The following PELI2 variants were observed in gnomAD, a reference collection of about 807,000 sequenced individuals.
PELI2 encodes the protein E3 ubiquitin-protein ligase pellino homolog 2.
Under a neutral mutation model 42.3 loss-of-function variants are expected in PELI2, and 23 were observed. The observed-to-expected ratio is 0.54, with a 90% CI of 0.39 to 0.77. The LOEUF is 0.77. PELI2 is among the 30% of genes least tolerant of loss of function. The pLI is 0.00. For synonymous variants in PELI2, 245 were observed against 212.2 expected (o/e 1.15, Z -1.34); for missense variants, 463 against 553.2 (o/e 0.84, Z 1.64).
chr14:56,276,951 A>G (rs1398117469), intron 2 of PELI2, among the ~76,000 whole-genome samples: 1 of 152,162 alleles, frequency 6.6e-6, no homozygotes, highest in Non-Finnish European at 1.5e-5. Context: ...TGCTGTGGGC[A>G]GTTTCCAGGT....
chr14:56,167,604 T>C (rs1885009588), intron 1 of PELI2, among the ~76,000 whole-genome samples: 1 of 152,262 alleles, frequency 6.6e-6, no homozygotes, highest in Admixed American at 6.5e-5. Context: ...TCGAGTTTCC[T>C]CATAAACAGC....
At chr14:56,214,330 G>A (rs1395583086) in intron 2 of PELI2, among the ~76,000 whole-genome samples, 2 of 152,198 alleles carry the variant, frequency 1.3e-5, no homozygotes, top group African/African-American at 4.8e-5. Flanking sequence ...GATGATTTGG[G>A]ATAGGAAATG....
intron 2 of PELI2, among the ~76,000 whole-genome samples, chr14:56,245,598 G>A (rs1035291646): frequency 2.0e-5 from 3 of 152,038 alleles, no homozygotes; most frequent in African/African-American, 7.2e-5. Flanking sequence ...ATTCTATACA[G>A]GCAAATTTTC....
At chr14:56,204,122 G>A (rs1886433842) in intron 2 of PELI2, among the ~76,000 whole-genome samples, 2 of 152,194 alleles carry the variant, frequency 1.3e-5, no homozygotes, top group Admixed American at 1.3e-4. Context: ...AACAGGGGCC[G>A]ATTGATGGGA....
chr14:56,209,874 G>A (rs1185691763), intron 2 of PELI2, among the ~76,000 whole-genome samples: 2 of 152,208 alleles, frequency 1.3e-5, no homozygotes, highest in African/African-American at 4.8e-5. Context: ...CTGGGAAATT[G>A]CTAGCGCAGC....
At position 56,242,858 on chromosome 14, in the gene PELI2, A is replaced by G. The variant is rs79964723; in HGVS notation, c.208-36818A>G. Among the ~76,000 whole-genome samples the G allele has an allele frequency of 9.0e-3, 1,364 of 152,274 alleles. 24 individuals are homozygous for G. The highest frequency in any genetic ancestry group is 0.031 in the African/African-American group (1,287 of 41,558). On this transcript the variant is annotated intron_variant, in intron 2 of 5. Transcript: ENST00000267460. ...GGACTTTGGGGATTCAGGGGGGAAGAGAGAAAGGGAGTGAAGGATAAAAGA... is the reference window on the plus strand; with the variant it reads ...GGACTTTGGGGATTCAGGGGGGAAGGGAGAAAGGGAGTGAAGGATAAAAGA...
intron 2 of PELI2, among the ~76,000 whole-genome samples, chr14:56,238,561 C>T (rs1319468437): frequency 1.3e-5 from 2 of 152,148 alleles, no homozygotes; most frequent in African/African-American, 2.4e-5. Context: ...CTCATCCCTC[C>T]GTGCTCTTAA....
At chr14:56,280,321 T>G (rs2139875049) in intron 3 of PELI2, among the ~76,000 whole-genome samples, 1 of 152,030 alleles carries the variant, frequency 6.6e-6, no homozygotes, top group South Asian at 2.1e-4. Flanking sequence ...AAGTACAGGA[T>G]GGGTTTGGGC....
At chr14:56,250,011 GC>G (rs1378260889) in intron 2 of PELI2, among the ~76,000 whole-genome samples, 1 of 152,170 alleles carries the variant, frequency 6.6e-6, no homozygotes, top group Admixed American at 6.5e-5. Context: ...TCTCTAAGGG[GC>G]AGAAGTCCCC....
chr14:56,294,868 A>G (rs577579515), intron 5 of PELI2, among the ~76,000 whole-genome samples: 279 of 152,272 alleles, frequency 1.8e-3, no homozygotes, highest in African/African-American at 6.5e-3. Flanking sequence ...CCTATAAGAC[A>G]TGTATTGGCA....
chr14:56,169,710 G>A (rs1333268692), intron 1 of PELI2, among the ~76,000 whole-genome samples: 4 of 152,172 alleles, frequency 2.6e-5, no homozygotes, highest in Non-Finnish European at 5.9e-5. Context: ...GTAGATAGTT[G>A]TTAACTTGGT....
chr14:56,210,105 T>C (rs1487815960), intron 2 of PELI2, among the ~76,000 whole-genome samples: 1 of 152,100 alleles, frequency 6.6e-6, no homozygotes, highest in Non-Finnish European at 1.5e-5. Flanking sequence ...ACTGTGGTTA[T>C]GTAGGGTAAA....
intron 1 of PELI2, among the ~76,000 whole-genome samples, chr14:56,122,563 A>G (rs1595532708): frequency 1.3e-5 from 2 of 150,502 alleles, no homozygotes; most frequent in East Asian, 3.9e-4. Flanking sequence ...AGTTCCTCTC[A>G]CCTCACAGTT....
At chr14:56,125,237 T>A (rs1300089848) in intron 1 of PELI2, among the ~76,000 whole-genome samples, 1 of 152,204 alleles carries the variant, frequency 6.6e-6, no homozygotes, top group Non-Finnish European at 1.5e-5. Flanking sequence ...GGACCAGCAC[T>A]GCTCCCAGCC....
chr14:56,122,311 G>A (rs571797383), intron 1 of PELI2, among the ~76,000 whole-genome samples: 151 of 152,242 alleles, frequency 9.9e-4, no homozygotes, highest in African/African-American at 3.5e-3. Context: ...TATATGTTTA[G>A]CCCTTATATT....
intron 1 of PELI2, among the ~76,000 whole-genome samples, chr14:56,172,329 G>A (rs1467410496): frequency 6.6e-6 from 1 of 152,160 alleles, no homozygotes; most frequent in African/African-American, 2.4e-5. Flanking sequence ...GCCTACATGT[G>A]GCCTGCCCAG....
Position 56,170,531 on chromosome 14 carries a change from C to A in PELI2, c.78-7804C>A, listed in dbSNP as rs552630892. 5.9e-5 allele frequency among the ~76,000 whole-genome samples: 9 copies of A among 152,272 alleles called. No homozygotes were observed. The Middle Eastern group carries it at 0.01, about 173-fold the overall frequency. ...GTATGAAATTTGGAGTCAGACAGAA[C>A]TGATGTAGCTTTAGGTTCTGCCTGA... On this transcript the variant is annotated intron_variant, in intron 1 of 5. Coordinates refer to ENST00000267460, the MANE Select transcript of PELI2 (RefSeq NM_021255.3).
intron 1 of PELI2, among the ~76,000 whole-genome samples, chr14:56,140,846 T>C (rs1883880041): frequency 6.6e-6 from 1 of 152,166 alleles, no homozygotes; most frequent in African/African-American, 2.4e-5. Context: ...GGAGCTTTGC[T>C]GTTCATCCTG....
intron 1 of PELI2, among the ~76,000 whole-genome samples, chr14:56,146,223 C>T (rs935361457): frequency 3.3e-5 from 5 of 152,040 alleles, no homozygotes; most frequent in African/African-American, 9.7e-5. Flanking sequence ...CTCCTGTTGC[C>T]CCAAATGCAT....
Sources: allele counts gnomAD v4.1 joint callset (sites outside exome capture counted in the v4.1 genomes callset), GRCh38; gene constraint gnomAD v4.1.1; transcripts MANE v1.5; gene names NCBI Gene and HGNC (gene_info 2026-07-23, HGNC 2026-07-21).